The following ZSCAN31 variants were observed in gnomAD, a reference collection of about 807,000 sequenced individuals.
ZSCAN31 encodes the protein zinc finger and SCAN domain-containing protein 31.
In ZSCAN31, 14 loss-of-function variants were observed where a neutral mutation model predicts 22.5. The observed-to-expected ratio is 0.62, with a 90% CI of 0.41 to 0.97. The LOEUF (loss-of-function observed/expected upper bound fraction) is 0.97, where lower values mean the gene tolerates loss of function less well. Among genes scored for constraint, ZSCAN31 ranks in the 50% least tolerant of loss-of-function variants. The pLI, the probability that ZSCAN31 is intolerant of heterozygous loss-of-function variation, is 0.00. For synonymous variants in ZSCAN31, 168 were observed against 169.8 expected (o/e 0.99, Z 0.08); for missense variants, 424 against 483.4 (o/e 0.88, Z 1.15).
chr6:28,329,812 A>T (rs1420265303), intron 1 of ZSCAN31, 34 bp from the exon 2 acceptor site: 2 of 1,222,716 alleles, frequency 1.6e-6, no homozygotes, highest in Non-Finnish European at 2.2e-6. Flanking sequence ...AATGGAAATA[A>T]ATCATAAAGT....
Position 28,333,137 on chromosome 6 carries a change from C to T in ZSCAN31, c.-96+2945G>A, listed in dbSNP as rs1309141351. Among the ~76,000 whole-genome samples the T allele has an allele frequency of 6.6e-6, 1 of 152,132 alleles. No individual in the cohort carries two copies. Among genetic ancestry groups the T allele is most frequent in the East Asian group, 1.9e-4 (1 of 5,186 alleles). ...GTGTCTCAGGTTGTAGGGAACCAGG[C>T]TCACTGTTTCATTCCAGGACCTGCA... On this transcript the variant is annotated intron_variant, in intron 1 of 3. Transcript: ENST00000344279. The surrounding 1 kb of genome is among the most constrained non-coding windows in gnomAD (Gnocchi z 4.1).
chr6:28,329,788 G>C lies in ZSCAN31; in HGVS notation c.-95-10C>G, dbSNP rs1561910545. 2.9e-6 allele frequency: 4 copies of C among 1,359,258 alleles called. No homozygotes were observed. The highest frequency in any genetic ancestry group is 4.0e-6 in the Non-Finnish European group (4 of 1,003,430). 84.2% of individuals were successfully genotyped at this position (1,359,258 alleles called of 1,614,324 possible). ...CCTTAGGAGAAGACACCTGATGATA[G>C]AGCATTATATATTAATGGAAATAAA... On this transcript the variant is annotated splice_polypyrimidine_tract_variant and intron_variant, in intron 1 of 3. Transcript: ENST00000344279.
rs1467515597 is a variant in ZSCAN31 at position 28,351,849 on chromosome 6, G to A, written c.-371+2013C>T. On this transcript the variant is annotated intron_variant, in intron 2 of 7. Transcript: ENST00000396838. The surrounding 1 kb of genome is among the most constrained non-coding windows in gnomAD (Gnocchi z 4.6). ...TTCACTCACAAGTACAAGTACTTCA[G>A]TGTCAATTTCTTATATACAGGGACT... is the stretch of plus-strand genomic sequence containing the variant. 6.6e-6 allele frequency among the ~76,000 whole-genome samples: 1 copy of A among 151,946 alleles called. No individual in the cohort carries two copies. Among genetic ancestry groups the A allele is most frequent in the African/African-American group, 2.4e-5 (1 of 41,320 alleles).
At chr6:28,343,966 A>T (rs1764534821) in intron 2 of ZSCAN31, among the ~76,000 whole-genome samples, 2 of 152,118 alleles carry the variant, frequency 1.3e-5, no homozygotes, top group African/African-American at 4.8e-5. Context: ...AAAGGTTTCC[A>T]TTTCTGGTTG....
At chr6:28,345,045 T>A (rs1391972600) in intron 2 of ZSCAN31, among the ~76,000 whole-genome samples, 1 of 148,852 alleles carries the variant, frequency 6.7e-6, no homozygotes, top group Non-Finnish European at 1.5e-5. Context: ...CACAGGGGGC[T>A]GAGGCAAAAG....
At chr6:28,341,401 T>C (rs1281519428) in intron 3 of ZSCAN31, among the ~76,000 whole-genome samples, 1 of 152,228 alleles carries the variant, frequency 6.6e-6, no homozygotes, top group Non-Finnish European at 1.5e-5. Context: ...GTGCCTTCTA[T>C]GTGTCCTCTT....
At chr6:28,327,090 G>C (rs1410680168) in intron 3 of ZSCAN31, among the ~76,000 whole-genome samples, 1 of 152,170 alleles carries the variant, frequency 6.6e-6, no homozygotes, top group Non-Finnish European at 1.5e-5. Flanking sequence ...ATGTACATAA[G>C]CAGGCACTAT....
chr6:28,326,043 G>C lies in ZSCAN31; in HGVS notation c.*123C>G. 1 of 890,604 alleles carries C rather than the reference G, an allele frequency of 1.1e-6. No individual in the cohort carries two copies. Among genetic ancestry groups the C allele is most frequent in the East Asian group, 2.4e-5 (1 of 41,134 alleles). The allele number at this position is 890,604 out of a possible 1,614,324, so 55.2% of individuals were successfully genotyped here. A position where few individuals can be genotyped will look rare whatever the true frequency, so the allele number is the denominator to read the frequency against. On this transcript the variant is annotated 3_prime_UTR_variant, in exon 4 of 4. Coordinates refer to ENST00000344279, the MANE Select transcript of ZSCAN31 (RefSeq NM_030899.5). ...GCCACTTGAAAATCTTACTTTCCAA[G>C]ACGGCCCCATTTAGGGGTCTGAGGG...
rs1764781745 is a variant in ZSCAN31, at chr6:28,349,051, CATGTCTCATATACATAGGTGTATAT to C, written c.-371+4786_-371+4810del. Among the ~76,000 whole-genome samples, 11 of 127,506 alleles carry C rather than the reference CATGTCTCATATACATAGGTGTATAT, an allele frequency of 8.6e-5. No individual in the cohort carries two copies. Among genetic ancestry groups the C allele is most frequent in the African/African-American group, 2.4e-4 (8 of 33,186 alleles). The allele number at this position is 127,506 out of a possible 152,430, so 83.6% of individuals were successfully genotyped here. ...TGTCTCATATACATAGGTGTATATA[CATGTCTCATATACATAGGTGTATAT>C]ACATGTCTCATATACATAGGTGTAT... On this transcript the variant is annotated intron_variant, in intron 2 of 7. Transcript: ENST00000396838. The surrounding 1 kb of genome is among the most constrained non-coding windows in gnomAD (Gnocchi z 4.1).
rs776282450 is a variant in ZSCAN31 at position 28,326,423 on chromosome 6, G to GT, written c.963dup (p.Pro322ThrfsTer3). The GT allele has an allele frequency of 3.0e-4, 480 of 1,614,074 alleles. No homozygotes were observed. The highest frequency in any genetic ancestry group is 3.9e-4 in the Non-Finnish European group (455 of 1,179,978). ...TTCCCACACACTTTGCATTCATATG[G>GT]TTTTTCCCCTGTGTGGATTCTTCTG... On this transcript the variant is annotated frameshift_variant, in exon 4 of 4. Coordinates refer to ENST00000344279, the MANE Select transcript of ZSCAN31 (RefSeq NM_030899.5). LOFTEE classifies it low-confidence loss of function (END_TRUNC).
At position 28,351,429 on chromosome 6, in the gene ZSCAN31, G is replaced by T. The variant is rs1025423685; in HGVS notation, c.-371+2433C>A. Among the ~76,000 whole-genome samples, 1 of 151,988 alleles carries T rather than the reference G, an allele frequency of 6.6e-6. No homozygotes were observed. The highest frequency in any genetic ancestry group is 1.5e-5 in the Non-Finnish European group (1 of 68,004). On this transcript the variant is annotated intron_variant, in intron 2 of 7. Transcript: ENST00000396838. This position sits in a 1 kb window ranked among gnomAD's most constrained non-coding sequence, Gnocchi z 4.6. Reference sequence around the variant, plus strand: ...CTTGACCCTACCTTAATGCTTTTTGGCTGTATTATTCAGGAAGGAAAGAAG... The same window carrying T: ...CTTGACCCTACCTTAATGCTTTTTGTCTGTATTATTCAGGAAGGAAAGAAG...
At chr6:28,330,989 G>A (rs1476208782) in intron 1 of ZSCAN31, among the ~76,000 whole-genome samples, 8 of 152,162 alleles carry the variant, frequency 5.3e-5, no homozygotes, top group Non-Finnish European at 1.0e-4. Flanking sequence ...ACACAATGGC[G>A]ATAAAGACAG....
chr6:28,340,118 T>C (rs896134162), upstream of ZSCAN31, among the ~76,000 whole-genome samples: 3 of 152,262 alleles, frequency 2.0e-5, no homozygotes, highest in Non-Finnish European at 2.9e-5. Flanking sequence ...TGGAAATAGA[T>C]AGGAATCTGA....
upstream of ZSCAN31, among the ~76,000 whole-genome samples, chr6:28,338,049 T>TTAAA (rs144116966): frequency 0.05 from 7,479 of 148,976 alleles, 462 homozygotes; most frequent in African/African-American, 0.15. Context: ...GTCTCCAAAA[T>TTAAA]TAAATAAATA....
chr6:28,339,839 T>A (rs1391158423), upstream of ZSCAN31, among the ~76,000 whole-genome samples: 1 of 152,196 alleles, frequency 6.6e-6, no homozygotes, highest in Non-Finnish European at 1.5e-5. Context: ...CACCTGTTGC[T>A]AAAATATCCA....
chr6:28,341,328 C>T (rs891229878), intron 3 of ZSCAN31, among the ~76,000 whole-genome samples: 44 of 152,120 alleles, frequency 2.9e-4, no homozygotes, highest in African/African-American at 9.2e-4. Flanking sequence ...GCTGAGAAGT[C>T]CAAGGCCAAG....
upstream of ZSCAN31, chr6:28,336,693 G>C (rs1764190533): frequency 6.6e-6 from 1 of 152,174 alleles, no homozygotes; most frequent in Non-Finnish European, 1.5e-5. Context: ...CATTTGCTTT[G>C]TTTCTTGAGA....
At chr6:28,350,868 T>C (rs1446040317) in intron 2 of ZSCAN31, among the ~76,000 whole-genome samples, 1 of 152,192 alleles carries the variant, frequency 6.6e-6, no homozygotes, top group Non-Finnish European at 1.5e-5. Flanking sequence ...TCAAAGGCTT[T>C]AAGACTCGGG....
chr6:28,327,290 C>G (rs1763361346), intron 3 of ZSCAN31, 93 bp downstream of exon 3: 6 of 1,446,358 alleles, frequency 4.1e-6, no homozygotes, highest in Middle Eastern at 1.8e-4. Flanking sequence ...TAAATTCCAA[C>G]CCAGGCAATT....
Sources: gnomAD v4.1 joint callset for allele counts (sites outside exome capture counted in the v4.1 genomes callset) on GRCh38, gnomAD v4.1.1 for gene constraint, Gnocchi (gnomAD v3.1) non-coding constraint, MANE v1.5 for transcripts, NCBI Gene and HGNC (gene_info 2026-07-23, HGNC 2026-07-21) for gene names.